Variants in PLA2G4E observed in about 807,000 individuals in gnomAD.
PLA2G4E encodes phospholipase A2 group IVE.
A neutral mutation model predicts 109.1 loss-of-function variants in PLA2G4E; 84 were observed. The ratio of observed to expected loss-of-function variants is 0.77; its 90% CI spans 0.65 to 0.92. The LOEUF (loss-of-function observed/expected upper bound fraction) is 0.92. Ranked by LOEUF, PLA2G4E falls within the 40% of genes least tolerant of loss-of-function variation. The pLI is 0.00. For missense variants in PLA2G4E, 1,057 were observed against 1,076.6 expected (o/e 0.98, Z 0.25); for synonymous variants, 469 against 436.1 (o/e 1.08, Z -0.94).
intron 12 of PLA2G4E, among the ~76,000 whole-genome samples, 153 bp from the exon 13 acceptor site, chr15:41,993,112 A>G (rs2068279405): frequency 6.6e-6 from 1 of 152,242 alleles, no homozygotes; most frequent in Non-Finnish European, 1.5e-5. Context: ...GACCTGGCAG[A>G]CAGTGAGGAG....
chr15:42,007,237 C>G (rs572818719), intron 3 of PLA2G4E, among the ~76,000 whole-genome samples: 1 of 152,246 alleles, frequency 6.6e-6, no homozygotes, highest in African/African-American at 2.4e-5. Context: ...GTGAACTCAA[C>G]TTAGAGTCAT....
At chr15:41,992,621 C>T (rs576781083) in intron 13 of PLA2G4E, 116 bp downstream of exon 13, 5 of 979,026 alleles carry the variant, frequency 5.1e-6, no homozygotes, top group Non-Finnish European at 7.5e-6. Context: ...CAAGGATACT[C>T]CCGCAGGTCT....
At chr15:41,990,908 A>G (rs557273801) in intron 13 of PLA2G4E, among the ~76,000 whole-genome samples, 9 of 152,128 alleles carry the variant, frequency 5.9e-5, no homozygotes, top group African/African-American at 2.2e-4. Flanking sequence ...TCAAGGTCTT[A>G]GAGGCCCAGG....
chr15:41,997,042 G>T lies in PLA2G4E; in HGVS notation c.1110+82C>A, dbSNP rs369423618. 338 of 1,437,004 alleles carry T rather than the reference G, an allele frequency of 2.4e-4. No homozygotes were observed. The Middle Eastern group carries it at 3.0e-3, about 13-fold the overall frequency. 89.0% of individuals were successfully genotyped at this position (1,437,004 alleles called of 1,614,324 possible). On this transcript the variant is annotated intron_variant, in intron 11 of 19. Transcript: ENST00000399518. ...ATCCATGGAGGTGGCGCCTGGGGTA[G>T]GGCAGGGCCTGGGTTGGCTGGGAGG...
At chr15:42,016,189 A>G (rs931002850) in intron 1 of PLA2G4E, among the ~76,000 whole-genome samples, 2 of 151,500 alleles carry the variant, frequency 1.3e-5, no homozygotes, top group African/African-American at 4.8e-5. Flanking sequence ...AGATACGAAG[A>G]AAAAAAAAGT....
chr15:42,004,857 G>A lies in PLA2G4E; in HGVS notation c.566+81C>T, dbSNP rs373983449. On this transcript the variant is annotated intron_variant, in intron 5 of 19. Transcript: ENST00000399518. ...AAGAGGGTGAGGCAGCAAAAAGGCC[G>A]ACCTGCCTCTGAAATGCTCGTTCCC... 1.9e-4 allele frequency: 284 copies of A among 1,520,080 alleles called. No individual in the cohort carries two copies. In the African/African-American group the frequency reaches 3.5e-3, roughly 18 times the overall value. 94.2% of individuals were successfully genotyped at this position (1,520,080 alleles called of 1,614,324 possible).
chr15:42,006,682 C>A (rs2068480599), intron 3 of PLA2G4E, among the ~76,000 whole-genome samples: 1 of 152,210 alleles, frequency 6.6e-6, no homozygotes, highest in Non-Finnish European at 1.5e-5. Context: ...AAAGCAGCTA[C>A]CTTGTCATCT....
At chr15:42,032,380 C>A (rs1212616581) in intron 1 of PLA2G4E, among the ~76,000 whole-genome samples, 1 of 152,206 alleles carries the variant, frequency 6.6e-6, no homozygotes, top group African/African-American at 2.4e-5. Flanking sequence ...GGGTCCCTGC[C>A]CACCACCCCA....
chr15:42,005,816 T>G (rs1216231907), intron 4 of PLA2G4E, among the ~76,000 whole-genome samples, 174 bp downstream of exon 4: 1 of 152,214 alleles, frequency 6.6e-6, no homozygotes, highest in African/African-American at 2.4e-5. Context: ...TAGGGAGTTA[T>G]TTTTACGACA....
intron 14 of PLA2G4E, 48 bp from the exon 15 acceptor site, chr15:41,989,600 G>A (rs749873573): frequency 8.2e-6 from 13 of 1,576,304 alleles, no homozygotes; most frequent in African/African-American, 1.4e-5. Context: ...CCAGGGAGCC[G>A]TCCACACAGC....
intron 4 of PLA2G4E, 137 bp downstream of exon 4, chr15:42,005,853 T>C: frequency 2.7e-6 from 3 of 1,104,738 alleles, no homozygotes; most frequent in Non-Finnish European, 3.8e-6. Context: ...AGTGCTGGGA[T>C]TTAAACCAGC....
At chr15:42,000,117 T>G in exon 8 of PLA2G4E, 2 of 1,589,564 alleles carry the variant, frequency 1.3e-6, no homozygotes, top group South Asian at 2.3e-5. Context: ...ACAGCTCCAG[T>G]GACTCTTGGG....
chr15:42,004,834 G>A (rs1436958544), intron 5 of PLA2G4E, 104 bp downstream of exon 5: 21 of 1,217,968 alleles, frequency 1.7e-5, no homozygotes, highest in Non-Finnish European at 2.1e-5. Flanking sequence ...GAGACTGGAA[G>A]AGGGTGAGGC....
chr15:42,037,684 C>T (rs920263002), intron 1 of PLA2G4E, among the ~76,000 whole-genome samples: 1 of 152,194 alleles, frequency 6.6e-6, no homozygotes, highest in African/African-American at 2.4e-5. Flanking sequence ...AGAAGAGCTG[C>T]GGCCCTTCAG....
At position 42,019,725 on chromosome 15, in the gene PLA2G4E, C is replaced by T. The variant is rs191350198; in HGVS notation, c.184-5968G>A. On this transcript the variant is annotated intron_variant, in intron 1 of 19. Transcript: ENST00000399518. ...TACATGTCCCAGCCACTCTGAGCAA[C>T]ATCCCAGACTAAGAGTCACCTGGGA... is the stretch of plus-strand genomic sequence containing the variant. Among the ~76,000 whole-genome samples, 15 of 152,354 alleles carry T rather than the reference C, an allele frequency of 9.8e-5. No individual in the cohort carries two copies. In the East Asian group the frequency reaches 2.9e-3, roughly 29 times the overall value.
chr15:42,029,069 T>G (rs972508386), intron 1 of PLA2G4E, among the ~76,000 whole-genome samples: 2 of 152,180 alleles, frequency 1.3e-5, no homozygotes, highest in Non-Finnish European at 2.9e-5. Flanking sequence ...TACAAAATAT[T>G]AAGGGCCAGC....
At chr15:42,005,220 T>A (rs2068463225) in intron 4 of PLA2G4E, among the ~76,000 whole-genome samples, 1 of 152,202 alleles carries the variant, frequency 6.6e-6, no homozygotes, top group Admixed American at 6.5e-5. Flanking sequence ...AGCCCCAGCA[T>A]GTACATTCCT....
At chr15:42,033,303 T>A (rs534937242) in intron 1 of PLA2G4E, among the ~76,000 whole-genome samples, 1 of 152,142 alleles carries the variant, frequency 6.6e-6, no homozygotes, top group Non-Finnish European at 1.5e-5. Context: ...CTGCTTGCCC[T>A]GCCAGACAAG....
At chr15:42,013,061 G>A (rs2068553189) in intron 2 of PLA2G4E, among the ~76,000 whole-genome samples, 2 of 152,234 alleles carry the variant, frequency 1.3e-5, no homozygotes, top group Admixed American at 1.3e-4. Flanking sequence ...GCCTGGAAAT[G>A]CAGCAGGCTC....
Sources: allele counts gnomAD v4.1 joint callset (sites outside exome capture counted in the v4.1 genomes callset), GRCh38; gene constraint gnomAD v4.1.1; transcripts MANE v1.5; gene names NCBI Gene and HGNC (gene_info 2026-07-23, HGNC 2026-07-21).